The following CCSER1 variants were observed in gnomAD, a reference collection of about 807,000 sequenced individuals.
The protein encoded by CCSER1 is coiled-coil serine rich protein 1, also known as serine-rich coiled-coil domain-containing protein 1.
CCSER1 carries 41 observed loss-of-function variants against 82.0 expected under a neutral mutation model. The observed-to-expected ratio is 0.50, with a 90% CI of 0.39 to 0.65. The LOEUF (loss-of-function observed/expected upper bound fraction) is 0.65. Ranked by LOEUF, CCSER1 falls within the 30% of genes least tolerant of loss-of-function variation. The probability of loss-of-function intolerance (pLI) is 0.00; values close to 1 mark genes in which losing one functional copy is unlikely to be tolerated. For synonymous variants in CCSER1, 414 were observed against 383.9 expected, an observed-to-expected ratio of 1.08 and a Z score of -0.92; for missense variants, 1,119 against 1,064.2, an observed-to-expected ratio of 1.05 and a Z score of -0.72.
intron 3 of CCSER1, among the ~76,000 whole-genome samples, chr4:90,355,792 A>G (rs1042902586): frequency 6.6e-6 from 1 of 152,004 alleles, no homozygotes; most frequent in African/African-American, 2.4e-5. Context: ...CTTATGATGG[A>G]ATATACAGAC....
intron 1 of CCSER1, among the ~76,000 whole-genome samples, chr4:90,198,197 T>C (rs1212345351): frequency 6.6e-6 from 1 of 152,156 alleles, no homozygotes; most frequent in African/African-American, 2.4e-5. Context: ...TTGTTCCTTC[T>C]TCCTTCCCCT....
At chr4:91,369,127 T>G (rs1749839552) in intron 10 of CCSER1, among the ~76,000 whole-genome samples, 1 of 152,196 alleles carries the variant, frequency 6.6e-6, no homozygotes, top group Non-Finnish European at 1.5e-5. Context: ...TAACCCAGTT[T>G]GGACAATGGA....
intron 10 of CCSER1, among the ~76,000 whole-genome samples, chr4:91,539,270 A>G (rs1292999526): frequency 6.6e-6 from 1 of 151,966 alleles, no homozygotes; most frequent in Non-Finnish European, 1.5e-5. Flanking sequence ...TTTTCAGATT[A>G]TCTTCTTATC....
intron 10 of CCSER1, among the ~76,000 whole-genome samples, chr4:91,246,964 CA>C (rs1450646114): frequency 6.6e-6 from 1 of 151,910 alleles, no homozygotes; most frequent in Non-Finnish European, 1.5e-5. Flanking sequence ...GGCTAAAGTC[CA>C]AAACCTGATA....
At chr4:90,989,561 T>C (rs993008770) in intron 9 of CCSER1, among the ~76,000 whole-genome samples, 4 of 151,830 alleles carry the variant, frequency 2.6e-5, no homozygotes, top group African/African-American at 9.7e-5. Flanking sequence ...AAGGGATTTC[T>C]ACTGTAAGGG....
intron 1 of CCSER1, among the ~76,000 whole-genome samples, chr4:90,164,486 TAGTC>T (rs1298520426): frequency 2.0e-5 from 3 of 152,116 alleles, no homozygotes; most frequent in East Asian, 1.9e-4. Flanking sequence ...TCTTTTTTGA[TAGTC>T]AGGATAATAT....
In CCSER1 at chr4:90,257,437, G is replaced by A. The variant is rs532636729; in HGVS notation, c.-41-50807G>A. On this transcript the variant is annotated intron_variant, in intron 1 of 10. Transcript: ENST00000509176. The stretch of plus-strand genomic sequence containing the variant: ...TTTAAAAGTCAAATGAGCAAAGCAG[G>A]GATTTATGCTGGTGGAAAAGAGATT... Among the ~76,000 whole-genome samples the A allele has an allele frequency of 3.3e-5, 5 of 152,052 alleles. No homozygotes were observed. The South Asian group carries it at 8.3e-4, about 25-fold the overall frequency.
intron 10 of CCSER1, among the ~76,000 whole-genome samples, chr4:91,568,270 C>A (rs188348023): frequency 5.9e-5 from 9 of 151,998 alleles, no homozygotes; most frequent in African/African-American, 9.6e-5. Flanking sequence ...TTCTAAGCTG[C>A]CTTTAACATT....
chr4:91,049,069 A>ACT (rs1742768288), intron 9 of CCSER1, among the ~76,000 whole-genome samples: 33 of 152,184 alleles, frequency 2.2e-4, no homozygotes, highest in Admixed American at 2.2e-3. Flanking sequence ...AACAGTAAAG[A>ACT]CATGAACACC....
intron 8 of CCSER1, among the ~76,000 whole-genome samples, chr4:90,831,660 C>T (rs747581003): frequency 1.3e-4 from 20 of 152,194 alleles, no homozygotes; most frequent in African/African-American, 2.6e-4. Context: ...TGAAACTTTA[C>T]GAACATGACT....
intron 1 of CCSER1, among the ~76,000 whole-genome samples, chr4:90,233,233 A>C (rs1745007184): frequency 6.6e-6 from 1 of 152,128 alleles, no homozygotes; most frequent in Non-Finnish European, 1.5e-5. Flanking sequence ...CAAATGTCCA[A>C]CAATGATAGA....
intron 8 of CCSER1, among the ~76,000 whole-genome samples, chr4:90,879,488 GGAAGAAGAAGAA>G (rs35201115): frequency 9.0e-5 from 11 of 122,628 alleles, no homozygotes; most frequent in African/African-American, 3.3e-4. Flanking sequence ...TAATAAAAGA[GGAAGAAGAAGAA>G]GAAGAAGAAG....
At chr4:90,398,887 A>T (rs1232273910) in intron 3 of CCSER1, among the ~76,000 whole-genome samples, 5 of 152,138 alleles carry the variant, frequency 3.3e-5, no homozygotes, top group African/African-American at 1.2e-4. Context: ...AAAGAGGTTT[A>T]TTTAAAAGCC....
intron 10 of CCSER1, among the ~76,000 whole-genome samples, chr4:91,416,304 TC>T (rs1753359533): frequency 6.6e-6 from 1 of 151,982 alleles, no homozygotes; most frequent in Admixed American, 6.6e-5. Flanking sequence ...TCAATGCTAT[TC>T]CCATTAAACT....
chr4:90,355,594 T>C (rs1316716858), intron 3 of CCSER1, among the ~76,000 whole-genome samples: 1 of 151,946 alleles, frequency 6.6e-6, no homozygotes. Context: ...TCCTGCTACA[T>C]AGGGAAGCTG....
At chr4:90,193,942 G>T (rs1053322661) in intron 1 of CCSER1, among the ~76,000 whole-genome samples, 1 of 152,006 alleles carries the variant, frequency 6.6e-6, no homozygotes, top group African/African-American at 2.4e-5. Flanking sequence ...GGGCAAGATG[G>T]TCATTTAAAT....
chr4:91,560,630 T>C (rs1257017031), intron 10 of CCSER1, among the ~76,000 whole-genome samples: 1 of 151,450 alleles, frequency 6.6e-6, no homozygotes, highest in Non-Finnish European at 1.5e-5. Context: ...ACAAACACAA[T>C]GTCTGGTAAA....
At position 91,416,031 on chromosome 4, in the gene CCSER1, C is replaced by A. The variant is rs1753340685; in HGVS notation, c.2218-182541C>A. ...AGCTGTAAATCCATCTTGTCCTGGT[C>A]TTTTTTAATTGATAGGCTATTTATT... On this transcript the variant is annotated intron_variant, in intron 10 of 10. Transcript: ENST00000509176. Among the ~76,000 whole-genome samples the A allele has an allele frequency of 2.6e-5, 4 of 151,940 alleles. No homozygotes were observed. The South Asian group carries it at 8.3e-4, about 32-fold the overall frequency.
At chr4:91,084,288 G>A (rs1016340427) in intron 9 of CCSER1, among the ~76,000 whole-genome samples, 1 of 152,146 alleles carries the variant, frequency 6.6e-6, no homozygotes, top group African/African-American at 2.4e-5. Context: ...AAAAATGAGA[G>A]GAGGCAGAAG....
Sources: allele counts gnomAD v4.1 joint callset (sites outside exome capture counted in the v4.1 genomes callset), GRCh38; gene constraint gnomAD v4.1.1; transcripts MANE v1.5; gene names NCBI Gene and HGNC (gene_info 2026-07-23, HGNC 2026-07-21).